The following ERP29 variants were observed in gnomAD, a reference collection of about 807,000 sequenced individuals.
ERP29 encodes endoplasmic reticulum protein 29, also known as endoplasmic reticulum resident protein 29.
ERP29 carries 14 observed loss-of-function variants against 21.7 expected under a neutral mutation model. The ratio of observed to expected loss-of-function variants is 0.64; its 90% confidence interval spans 0.43 to 1.01. The LOEUF is 1.01. Among genes scored for constraint, ERP29 ranks in the 50% least tolerant of loss-of-function variants. The pLI is 0.00. For synonymous variants in ERP29, 129 were observed against 139.1 expected, an observed-to-expected ratio of 0.93 and a Z score of 0.51; for missense variants, 286 against 327.3, an observed-to-expected ratio of 0.87 and a Z score of 0.97.
At position 112,019,968 on chromosome 12, in the gene ERP29, G is replaced by A. The variant is rs1412769245; in HGVS notation, c.283+74G>A. The A allele has an allele frequency of 3.2e-6, 5 of 1,558,904 alleles. No homozygotes were observed. In the East Asian group the frequency reaches 1.1e-4, roughly 35 times the overall value. ...GAAATCGTTTCCCTACTTGGAACAGGAATACCCAGCATCTTTCCTTCTGAG... is the reference window on the plus strand; with the variant it reads ...GAAATCGTTTCCCTACTTGGAACAGAAATACCCAGCATCTTTCCTTCTGAG... On this transcript the variant is annotated intron_variant, in intron 2 of 2. Coordinates refer to ENST00000261735, the MANE Select transcript of ERP29 (RefSeq NM_006817.4).
At position 112,013,593 on chromosome 12, in the gene ERP29, CG is replaced by C. The variant is rs763539207; in HGVS notation, c.130del (p.Val44SerfsTer15). On this transcript the variant is annotated frameshift_variant, in exon 1 of 3. Transcript: ENST00000261735. LOFTEE classifies it high-confidence loss of function. ...LHTKGALPLD[T>X]VTFYKVIPKS... ...ACCAAGGGCGCCCTTCCCCTGGATA[CG>C]GTCACTTTCTACAAGGTAACCGGGG... 9 of 1,598,426 alleles carry C rather than the reference CG, an allele frequency of 5.6e-6. No individual in the cohort carries two copies. In the Admixed American group the frequency reaches 1.1e-4, roughly 19 times the overall value.
chr12:112,018,707 T>C (rs1428174959), intron 1 of ERP29: 1 of 152,244 alleles, frequency 6.6e-6, no homozygotes, highest in Non-Finnish European at 1.5e-5. Context: ...AAATGTGTTA[T>C]GTGAATGTTC....
chr12:112,013,619 G>A lies in ERP29; in HGVS notation c.144+10G>A. On this transcript the variant is annotated intron_variant, in intron 1 of 2. Coordinates refer to ENST00000261735, the MANE Select transcript of ERP29 (RefSeq NM_006817.4). ...GGTCACTTTCTACAAGGTAACCGGG[G>A]CGGGGGACGTCGCGCGCAGGTGCCG... 2 of 1,548,788 alleles carry A rather than the reference G, an allele frequency of 1.3e-6. No homozygotes were observed. Among genetic ancestry groups the A allele is most frequent in the Non-Finnish European group, 1.7e-6 (2 of 1,149,814 alleles).
Position 112,022,751 on chromosome 12 carries a change from A to G in ERP29, c.*99A>G. On this transcript the variant is annotated 3_prime_UTR_variant, in exon 3 of 3. Coordinates refer to ENST00000261735, the MANE Select transcript of ERP29 (RefSeq NM_006817.4). ...TTGTGGAATATAAGGGGGTAGTGGG[A>G]AAAGTGGTACTAACCCACGATTCTG... is the stretch of plus-strand genomic sequence containing the variant. The G allele has an allele frequency of 7.8e-7, 1 of 1,286,908 alleles. No homozygotes were observed. 79.7% of individuals were successfully genotyped at this position (1,286,908 alleles called of 1,614,324 possible).
chr12:112,013,850 C>A (rs886284410), intron 1 of ERP29, among the ~76,000 whole-genome samples: 5 of 152,274 alleles, frequency 3.3e-5, no homozygotes, highest in Admixed American at 1.3e-4. Context: ...TTGCATCCAC[C>A]CTTGCAAAGA....
rs775224869 is a variant in ERP29, at chr12:112,019,724, A to G, written c.145-32A>G. 3.1e-6 allele frequency: 5 copies of G among 1,613,928 alleles called. No homozygotes were observed. The African/African-American group carries it at 6.7e-5, about 22-fold the overall frequency. On this transcript the variant is annotated intron_variant, in intron 1 of 2. Transcript: ENST00000261735. ...GGAATTAGCCCCAAAAGTCCCTGGA[A>G]CACCCACTTGCTCAGCTCTATACGC...
rs911177361 is a variant in ERP29, at chr12:112,013,677, G to T, written c.144+68G>T. The T allele has an allele frequency of 8.3e-6, 12 of 1,449,522 alleles. No homozygotes were observed. The Admixed American group carries it at 1.1e-4, about 13-fold the overall frequency. The allele number at this position is 1,449,522 out of a possible 1,614,324, so 89.8% of individuals were successfully genotyped here. On this transcript the variant is annotated intron_variant, in intron 1 of 2. Transcript: ENST00000261735. ...GCCCGGAAGAGCGCGCGCCCGTGGG[G>T]AGACGCTGGATTCCGGGAGCTGACG...
rs1033658896 is a variant in ERP29, at chr12:112,023,254, T to C, written c.*602T>C. Reference sequence around the variant, plus strand: ...ATATTGAACCAACATTGATGGACCATGGTGTAATTATTTTCCATGCTTTGT... The same window carrying C: ...ATATTGAACCAACATTGATGGACCACGGTGTAATTATTTTCCATGCTTTGT... On this transcript the variant is annotated 3_prime_UTR_variant, in exon 3 of 3. Transcript: ENST00000261735. 2 of 152,268 alleles carry C rather than the reference T, an allele frequency of 1.3e-5. No homozygotes were observed. The highest frequency in any genetic ancestry group is 2.9e-5 in the Non-Finnish European group (2 of 68,064). The allele number at this position is 152,268 out of a possible 1,614,324, so 9.4% of individuals were successfully genotyped here.
At chr12:112,013,770 A>G (rs923121440) in intron 1 of ERP29, among the ~76,000 whole-genome samples, 161 bp downstream of exon 1, 15 of 152,250 alleles carry the variant, frequency 9.9e-5, no homozygotes, top group African/African-American at 3.4e-4. Flanking sequence ...CTCTGAGCGG[A>G]GAATGTTATG....
chr12:112,019,482 G>A, intron 1 of ERP29: 1 of 463,754 alleles, frequency 2.2e-6, no homozygotes, highest in Non-Finnish European at 4.0e-6. Flanking sequence ...GAAGGAGAAG[G>A]CCTTAGTATG....
At chr12:112,013,701 C>T (rs1187155184) in intron 1 of ERP29, 92 bp downstream of exon 1, 4 of 1,357,062 alleles carry the variant, frequency 2.9e-6, no homozygotes, top group African/African-American at 3.0e-5. Flanking sequence ...CGGGAGCTGA[C>T]GGGAGGTGGT....
At chr12:112,016,998 A>G (rs1203730601) in intron 1 of ERP29, among the ~76,000 whole-genome samples, 1 of 152,224 alleles carries the variant, frequency 6.6e-6, no homozygotes, top group Non-Finnish European at 1.5e-5. Context: ...GAATGGTGAA[A>G]GTAGAAGGTG....
intron 1 of ERP29, among the ~76,000 whole-genome samples, chr12:112,017,665 G>A (rs2078019584): frequency 6.6e-6 from 1 of 151,882 alleles, no homozygotes; most frequent in Admixed American, 6.6e-5. Context: ...GACTTGTTCT[G>A]GTGTCTTCTC....
At position 112,013,608 on chromosome 12, in the gene ERP29, A is replaced by T; in HGVS notation, c.143A>T (p.Lys48Met). The T allele has an allele frequency of 6.3e-7, 1 of 1,577,900 alleles. No homozygotes were observed. Among genetic ancestry groups the T allele is most frequent in the Non-Finnish European group, 8.6e-7 (1 of 1,163,470 alleles). ...ALPLDTVTFYKVIPKSKFVLV... is the reference protein window; with the variant it reads ...ALPLDTVTFYMVIPKSKFVLV... ...CCCCTGGATACGGTCACTTTCTACAAGGTAACCGGGGCGGGGGACGTCGCG... is the reference window on the plus strand; with the variant it reads ...CCCCTGGATACGGTCACTTTCTACATGGTAACCGGGGCGGGGGACGTCGCG... The change falls in exon 1 of 3, where the codon AAG becomes ATG. Residue 48 changes from lysine to methionine, a missense_variant and splice_region_variant. Coordinates refer to ENST00000261735, the MANE Select transcript of ERP29 (RefSeq NM_006817.4).
chr12:112,014,368 T>A (rs1267656270), intron 1 of ERP29, among the ~76,000 whole-genome samples: 1 of 152,220 alleles, frequency 6.6e-6, no homozygotes. Flanking sequence ...GTGCTTCTTA[T>A]CAGAATCTAA....
intron 2 of ERP29, among the ~76,000 whole-genome samples, chr12:112,021,849 G>A (rs545384494): frequency 2.6e-5 from 4 of 152,186 alleles, no homozygotes; most frequent in South Asian, 2.1e-4. Flanking sequence ...TTAATCACAA[G>A]TAGACCCCCA....
chr12:112,021,854 C>A (rs1233736308), intron 2 of ERP29, among the ~76,000 whole-genome samples: 1 of 152,050 alleles, frequency 6.6e-6, no homozygotes, highest in Non-Finnish European at 1.5e-5. Context: ...CACAAGTAGA[C>A]CCCCAGCACC....
At position 112,022,350 on chromosome 12, in the gene ERP29, G is replaced by A. The variant is rs201620890; in HGVS notation, c.484G>A (p.Asp162Asn). 28 of 1,614,048 alleles carry A rather than the reference G, an allele frequency of 1.7e-5. No individual in the cohort carries two copies. The highest frequency in any genetic ancestry group is 8.8e-5 in the South Asian group (8 of 91,086). ...TATGCCTGGTTGCCTGCCTGTATACGACGCCCTGGCCGGGGAGTTCATCAG... is the reference window on the plus strand; with the variant it reads ...TATGCCTGGTTGCCTGCCTGTATACAACGCCCTGGCCGGGGAGTTCATCAG... ...LGMPGCLPVYDALAGEFIRAS... is the reference protein window; with the variant it reads ...LGMPGCLPVYNALAGEFIRAS... Residue 162 changes from aspartate to asparagine, a missense_variant, in exon 3 of 3, where the codon GAC becomes AAC. Asp to Asn is a conservative substitution (Grantham distance 23). Transcript: ENST00000261735.
chr12:112,017,222 G>C (rs1245675655), intron 1 of ERP29, among the ~76,000 whole-genome samples: 1 of 152,108 alleles, frequency 6.6e-6, no homozygotes, highest in Non-Finnish European at 1.5e-5. Context: ...AGGCACTGTT[G>C]AGCACTAGGG....
Sources: allele counts gnomAD v4.1 joint callset (sites outside exome capture counted in the v4.1 genomes callset), GRCh38; gene constraint gnomAD v4.1.1; transcripts MANE v1.5; gene names NCBI Gene and HGNC (gene_info 2026-07-23, HGNC 2026-07-21).